The following FOXP2 variants were observed in gnomAD, a reference collection of about 807,000 sequenced individuals.
FOXP2 encodes forkhead box protein P2.
In FOXP2, 12 loss-of-function variants were observed where a neutral mutation model predicts 115.8. That is an observed-to-expected ratio of 0.10 (90% CI 0.07 to 0.17). The LOEUF is 0.17. Ranked by LOEUF, FOXP2 falls within the 10% of genes least tolerant of loss-of-function variation. FOXP2 has a pLI of 1.00. For synonymous variants in FOXP2, 328 were observed against 297.7 expected, an observed-to-expected ratio of 1.10 and a Z score of -1.05; for missense variants, 629 against 843.5, an observed-to-expected ratio of 0.75 and a Z score of 3.15.
intron 2 of FOXP2, among the ~76,000 whole-genome samples, chr7:114,376,768 C>T (rs1452050353): frequency 1.3e-5 from 2 of 152,154 alleles, no homozygotes; most frequent in Admixed American, 1.3e-4. Flanking sequence ...AACCTATTGC[C>T]TTTGCAAGAA....
intron 1 of FOXP2, among the ~76,000 whole-genome samples, chr7:114,090,085 G>A (rs948322372): frequency 6.6e-6 from 1 of 151,834 alleles, no homozygotes; most frequent in African/African-American, 2.4e-5. Context: ...TTTGTGTCAT[G>A]TTAAATCAGC....
intron 16 of FOXP2, among the ~76,000 whole-genome samples, chr7:114,680,682 T>C (rs1563076253): frequency 6.6e-6 from 1 of 151,254 alleles, no homozygotes; most frequent in Non-Finnish European, 1.5e-5. Flanking sequence ...AAGGCGGAGG[T>C]TGCAGTGAGC....
intron 1 of FOXP2, among the ~76,000 whole-genome samples, chr7:114,142,512 T>G (rs1792245882): frequency 6.6e-6 from 1 of 152,166 alleles, no homozygotes; most frequent in African/African-American, 2.4e-5. Context: ...TCAGGAACAT[T>G]TAGAATAATT....
intron 2 of FOXP2, among the ~76,000 whole-genome samples, chr7:114,366,046 C>T (rs952843519): frequency 3.3e-5 from 5 of 152,154 alleles, no homozygotes; most frequent in African/African-American, 1.2e-4. Flanking sequence ...ATTACTTTCA[C>T]CTGTTTAAAT....
intron 3 of FOXP2, among the ~76,000 whole-genome samples, chr7:114,591,992 T>C (rs1447864422): frequency 1.3e-5 from 2 of 152,102 alleles, no homozygotes; most frequent in East Asian, 1.9e-4. Context: ...TAAAAAGCCA[T>C]GTGTGGCTAG....
At chr7:114,554,185 A>T (rs977112884) in intron 3 of FOXP2, among the ~76,000 whole-genome samples, 1 of 152,142 alleles carries the variant, frequency 6.6e-6, no homozygotes, top group Admixed American at 6.5e-5. Context: ...TTTAAAAAAT[A>T]AAATATCTTC....
At chr7:114,525,343 A>G (rs1798809812) in intron 2 of FOXP2, among the ~76,000 whole-genome samples, 1 of 152,214 alleles carries the variant, frequency 6.6e-6, no homozygotes, top group African/African-American at 2.4e-5. Context: ...TGGCTTCACA[A>G]ATCACTTACA....
chr7:114,664,110 C>T (rs1807032046), intron 15 of FOXP2, among the ~76,000 whole-genome samples, 163 bp from the exon 16 acceptor site: 3 of 152,156 alleles, frequency 2.0e-5, no homozygotes, highest in Non-Finnish European at 4.4e-5. Context: ...CCTTGCATCT[C>T]TGCCACAAGT....
chr7:114,193,724 G>C (rs1793825384), intron 1 of FOXP2, among the ~76,000 whole-genome samples: 1 of 151,992 alleles, frequency 6.6e-6, no homozygotes. Flanking sequence ...TACCATTGTT[G>C]AGAACCATTG....
rs1277323529 is a variant in FOXP2 at position 114,659,628 on chromosome 7, T to C, written c.1602T>C (p.Phe534=). 2 of 1,613,620 alleles carry C rather than the reference T, an allele frequency of 1.2e-6. No individual in the cohort carries two copies. Among genetic ancestry groups the C allele is most frequent in the East Asian group, 4.5e-5 (2 of 44,874 alleles). ...QLTLNEIYSW[F]TRTFAYFRRN... is the part of the protein sequence containing the mutation. ...CACTTAATGAAATTTACAGCTGGTT[T>C]ACACGGACATTTGCTTACTTCAGGC... is the stretch of plus-strand genomic sequence containing the variant. The change falls in exon 13 of 17, where the codon TTT becomes TTC. Residue 534 remains phenylalanine (F), a synonymous_variant. Transcript: ENST00000350908.
At chr7:114,255,780 G>A (rs764005405) in intron 1 of FOXP2, among the ~76,000 whole-genome samples, 12 of 152,058 alleles carry the variant, frequency 7.9e-5, no homozygotes, top group Non-Finnish European at 1.5e-4. Flanking sequence ...CTCACACTCG[G>A]TGTGCTCCAC....
chr7:114,596,124 T>C (rs1050928285), intron 3 of FOXP2, among the ~76,000 whole-genome samples: 1 of 152,016 alleles, frequency 6.6e-6, no homozygotes, highest in African/African-American at 2.4e-5. Context: ...GCTAGTACAG[T>C]TAGCAATTCT....
chr7:114,688,862 T>C (rs1808509178), intron 16 of FOXP2, among the ~76,000 whole-genome samples: 1 of 152,180 alleles, frequency 6.6e-6, no homozygotes, highest in Non-Finnish European at 1.5e-5. Flanking sequence ...AAAGCCTTGC[T>C]GCAGGTTTTC....
chr7:114,263,598 C>T (rs986309432), intron 1 of FOXP2, among the ~76,000 whole-genome samples: 1 of 151,640 alleles, frequency 6.6e-6, no homozygotes, highest in Non-Finnish European at 1.5e-5. Context: ...GGATTACAGG[C>T]GTGAGCCACT....
intron 2 of FOXP2, among the ~76,000 whole-genome samples, chr7:114,316,247 A>G (rs1797272988): frequency 6.6e-6 from 1 of 152,220 alleles, no homozygotes; most frequent in South Asian, 2.1e-4. Context: ...CAAATATGGA[A>G]TCAGCAAGAA....
At chr7:114,094,819 C>T (rs544365475) in intron 1 of FOXP2, among the ~76,000 whole-genome samples, 1 of 152,110 alleles carries the variant, frequency 6.6e-6, no homozygotes, top group African/African-American at 2.4e-5. Flanking sequence ...ACCATCAAGC[C>T]TCACTAAATT....
At chr7:114,288,085 C>T (rs1377650140) in exon 2 of FOXP2, 1 of 453,258 alleles carries the variant, frequency 2.2e-6, no homozygotes, top group South Asian at 1.6e-5. Flanking sequence ...ATTCGAAAGT[C>T]TTGTGGAAGA....
chr7:114,512,593 GT>G (rs1193377924), intron 2 of FOXP2, among the ~76,000 whole-genome samples: 4 of 152,146 alleles, frequency 2.6e-5, no homozygotes, highest in Non-Finnish European at 5.9e-5. Context: ...TTCTGATAGG[GT>G]TCTGTAGGGA....
intron 1 of FOXP2, among the ~76,000 whole-genome samples, chr7:114,143,248 A>G (rs1381377460): frequency 1.3e-5 from 2 of 151,766 alleles, no homozygotes; most frequent in Non-Finnish European, 2.9e-5. Flanking sequence ...GAAATCATTT[A>G]GAAGCTTTTT....
Sources: allele counts gnomAD v4.1 joint callset (sites outside exome capture counted in the v4.1 genomes callset), GRCh38; gene constraint gnomAD v4.1.1; transcripts MANE v1.5; gene names NCBI Gene and HGNC (gene_info 2026-07-23, HGNC 2026-07-21).